The following MYH11 variants were observed in gnomAD, a reference collection of about 807,000 sequenced individuals.
MYH11 encodes myosin heavy chain 11.
A neutral mutation model predicts 246.6 loss-of-function variants in MYH11; 80 were observed. The observed-to-expected ratio is 0.32, with a 90% CI of 0.27 to 0.39. The LOEUF (loss-of-function observed/expected upper bound fraction) is 0.39. Among genes scored for constraint, MYH11 ranks in the 10% least tolerant of loss-of-function variants. The pLI is 1.00. For synonymous variants in MYH11, 1,071 were observed against 1,015.5 expected, an observed-to-expected ratio of 1.05 and a Z score of -1.04; for missense variants, 2,158 against 2,546.8, an observed-to-expected ratio of 0.85 and a Z score of 3.29.
At chr16:15,756,787 A>G (rs940761389) in intron 13 of MYH11, among the ~76,000 whole-genome samples, 1 of 143,858 alleles carries the variant, frequency 7.0e-6, no homozygotes, top group Non-Finnish European at 1.5e-5. Flanking sequence ...TGAAGAGTTC[A>G]TAACTCTTTT....
chr16:15,819,998 G>C (rs62030635), intron 3 of MYH11, among the ~76,000 whole-genome samples: 20,790 of 152,114 alleles, frequency 0.14, 1,442 homozygotes, highest in East Asian at 0.15. Flanking sequence ...GGCAGTTCTG[G>C]AAAACAAGGT....
chr16:15,780,812 A>G (rs1050867122), intron 6 of MYH11, among the ~76,000 whole-genome samples: 7 of 152,124 alleles, frequency 4.6e-5, no homozygotes, highest in African/African-American at 1.7e-4. Context: ...AAATGAAAGC[A>G]TTAACAAGTG....
intron 17 of MYH11, 31 bp downstream of exon 17, chr16:15,748,016 T>G (rs2041467025): frequency 6.2e-7 from 1 of 1,614,028 alleles, no homozygotes; most frequent in Admixed American, 1.7e-5. Context: ...GCTCACCCCC[T>G]GCCCTACCTG....
chr16:15,850,900 G>GA (rs144808306), intron 1 of MYH11, among the ~76,000 whole-genome samples: 2 of 150,760 alleles, frequency 1.3e-5, no homozygotes, highest in African/African-American at 2.4e-5. Context: ...ATCTCAAAAA[G>GA]AAAAAAAAGA....
intron 2 of MYH11, among the ~76,000 whole-genome samples, chr16:15,828,922 A>G (rs546423338): frequency 2.0e-5 from 3 of 151,688 alleles, no homozygotes; most frequent in Non-Finnish European, 4.4e-5. Flanking sequence ...GGTGGCTCAC[A>G]CCTTTAATGC....
At position 15,704,258 on chromosome 16, in the gene MYH11, C is replaced by T. The variant is rs534318282; in HGVS notation, c.5787-135G>A. On this transcript the variant is annotated intron_variant, in intron 40 of 40. Transcript: ENST00000300036. ...TTTTTTTTATGGCAGAAAACACACA[C>T]GGCACAAATAAGATGCAGATATTCA... 6.2e-4 allele frequency: 588 copies of T among 948,650 alleles called. 6 individuals are homozygous for T. The African/African-American group carries it at 9.2e-3, about 15-fold the overall frequency. The allele number at this position is 948,650 out of a possible 1,614,324, so 58.8% of individuals were successfully genotyped here. A position where few individuals can be genotyped will look rare whatever the true frequency, so the allele number is the denominator to read the frequency against.
intron 19 of MYH11, 110 bp from the exon 20 acceptor site, chr16:15,745,347 C>G: frequency 1.4e-6 from 1 of 721,932 alleles, no homozygotes; most frequent in East Asian, 2.7e-5. Flanking sequence ...CCCAATCTCC[C>G]CAACTCAGGT....
In MYH11 at chr16:15,728,640, C is replaced by T. The variant is rs957127969; in HGVS notation, c.3652-1586G>A. On this transcript the variant is annotated intron_variant, in intron 27 of 40. Transcript: ENST00000300036. ...TGGGGCCAGGCGCGGTGGCTCAGGC[C>T]TAGAATCCCAGCACTTTGGGAGGCC... Among the ~76,000 whole-genome samples the T allele has an allele frequency of 2.6e-5, 4 of 152,200 alleles. No individual in the cohort carries two copies. The South Asian group carries it at 8.3e-4, about 32-fold the overall frequency.
At chr16:15,719,368 C>A in intron 35 of MYH11, 60 bp from the exon 36 acceptor site, 1 of 1,568,526 alleles carries the variant, frequency 6.4e-7, no homozygotes, top group South Asian at 1.1e-5. Context: ...CACCAAGAGT[C>A]CACCCTGACA....
chr16:15,705,757 G>A (rs150050549), intron 40 of MYH11, among the ~76,000 whole-genome samples: 47 of 152,000 alleles, frequency 3.1e-4, no homozygotes, highest in African/African-American at 1.1e-3. Context: ...TGAGGCGGGC[G>A]GATCATGAGG....
intron 1 of MYH11, among the ~76,000 whole-genome samples, chr16:15,854,673 T>C (rs1032832233): frequency 2.6e-5 from 4 of 152,166 alleles, no homozygotes; most frequent in African/African-American, 9.7e-5. Context: ...ATTTTTAAAT[T>C]TGCTTATGGC....
Position 15,747,481 on chromosome 16 carries a change from G to C in MYH11, c.2411+89C>G, listed in dbSNP as rs1016951034. The C allele has an allele frequency of 1.6e-5, 24 of 1,481,674 alleles. No homozygotes were observed. The African/African-American group carries it at 3.2e-4, about 20-fold the overall frequency. The allele number at this position is 1,481,674 out of a possible 1,614,324, so 91.8% of individuals were successfully genotyped here. On this transcript the variant is annotated intron_variant, in intron 19 of 40. Coordinates refer to ENST00000300036, the MANE Select transcript of MYH11 (RefSeq NM_002474.3). ...TCAGTCAATGATGCATCTTAAACAG[G>C]TGGCCTCTTAGAATCAGGGAATCAG... is the stretch of plus-strand genomic sequence containing the variant.
At chr16:15,760,716 G>T in intron 10 of MYH11, 58 bp from the exon 11 acceptor site, 1 of 1,147,190 alleles carries the variant, frequency 8.7e-7, no homozygotes, top group Non-Finnish European at 1.3e-6. Context: ...TTGGCAAGAA[G>T]ACACATCGCA....
At chr16:15,739,606 G>C (rs1293474632) in intron 23 of MYH11, among the ~76,000 whole-genome samples, 2 of 152,198 alleles carry the variant, frequency 1.3e-5, no homozygotes, top group African/African-American at 4.8e-5. Context: ...AGGTGGGGCT[G>C]GTTAGTGACT....
At chr16:15,784,979 A>G (rs1416922427) in intron 5 of MYH11, 2 of 370,532 alleles carry the variant, frequency 5.4e-6, no homozygotes, top group Admixed American at 4.5e-5. Context: ...GACTACAGGC[A>G]TGCACACCAG....
chr16:15,712,889 T>C (rs1171115546), intron 40 of MYH11: 1 of 143,910 alleles, frequency 6.9e-6, no homozygotes, highest in African/African-American at 2.6e-5. Flanking sequence ...ACAGTTTTTT[T>C]TTTTTTGAGA....
chr16:15,735,981 C>T (rs1025429272), intron 25 of MYH11, among the ~76,000 whole-genome samples: 4 of 152,210 alleles, frequency 2.6e-5, no homozygotes, highest in Non-Finnish European at 5.9e-5. Flanking sequence ...ACTGAGTACC[C>T]GCCCCATGCA....
Position 15,789,517 on chromosome 16 carries a change from T to C in MYH11, c.531-2785A>G, listed in dbSNP as rs140432152. On this transcript the variant is annotated intron_variant, in intron 4 of 40. Transcript: ENST00000300036. ...ATGGAGGAGAAGCAGGATTTGAACG[T>C]AGGTCCACTTGACACCAGGGCCCAT... Among the ~76,000 whole-genome samples the C allele has an allele frequency of 9.2e-5, 14 of 152,316 alleles. No homozygotes were observed. In the East Asian group the frequency reaches 2.3e-3, roughly 25 times the overall value.
chr16:15,827,230 C>T (rs886703389), intron 2 of MYH11, among the ~76,000 whole-genome samples: 2 of 152,094 alleles, frequency 1.3e-5, no homozygotes, highest in East Asian at 3.9e-4. Context: ...TACATTAAAA[C>T]ACGTCGTAAG....
Sources: gnomAD v4.1 joint callset for allele counts (sites outside exome capture counted in the v4.1 genomes callset) on GRCh38, gnomAD v4.1.1 for gene constraint, MANE v1.5 for transcripts, NCBI Gene and HGNC (gene_info 2026-07-23, HGNC 2026-07-21) for gene names.